Variants in KCNJ3 observed in about 807,000 individuals in gnomAD.
KCNJ3 encodes the protein G protein-activated inward rectifier potassium channel 1.
A neutral mutation model predicts 39.2 loss-of-function variants in KCNJ3; 4 were observed. The ratio of observed to expected loss-of-function variants is 0.10; its 90% CI spans 0.05 to 0.23. The LOEUF (loss-of-function observed/expected upper bound fraction) is 0.23, where lower values mean the gene tolerates loss of function less well. Ranked by LOEUF, KCNJ3 falls within the 10% of genes least tolerant of loss-of-function variation. The pLI is 1.00. For missense variants in KCNJ3, 276 were observed against 634.9 expected (o/e 0.43, Z 6.08); for synonymous variants, 230 against 237.4 (o/e 0.97, Z 0.29).
chr2:154,745,641 A>AT, intron 2 of KCNJ3, among the ~76,000 whole-genome samples: 1 of 152,000 alleles, frequency 6.6e-6, no homozygotes, highest in Non-Finnish European at 1.5e-5. Context: ...CTGCTTTAAA[A>AT]TTTTTTTCCA....
intron 2 of KCNJ3, among the ~76,000 whole-genome samples, chr2:154,813,036 A>G (rs1375490576): frequency 2.0e-5 from 3 of 152,232 alleles, no homozygotes; most frequent in African/African-American, 7.2e-5. Context: ...TTTCAAATGC[A>G]GAAACTGATG....
chr2:154,831,017 C>G (rs1687353550), intron 2 of KCNJ3, among the ~76,000 whole-genome samples: 1 of 152,198 alleles, frequency 6.6e-6, no homozygotes, highest in South Asian at 2.1e-4. Flanking sequence ...AATTTCCCTT[C>G]TAAATATCTT....
intron 2 of KCNJ3, among the ~76,000 whole-genome samples, chr2:154,747,904 T>C (rs1309457933): frequency 6.6e-6 from 1 of 151,898 alleles, no homozygotes; most frequent in Non-Finnish European, 1.5e-5. Flanking sequence ...CAATTTTTGG[T>C]CAACTGCATG....
At chr2:154,766,481 A>G (rs1260388096) in intron 2 of KCNJ3, among the ~76,000 whole-genome samples, 1 of 152,028 alleles carries the variant, frequency 6.6e-6, no homozygotes, top group Non-Finnish European at 1.5e-5. Context: ...TTTCCAGGTT[A>G]CCCAAAGTGG....
intron 2 of KCNJ3, among the ~76,000 whole-genome samples, chr2:154,813,493 AT>A (rs925096038): frequency 4.0e-5 from 6 of 151,008 alleles, no homozygotes; most frequent in East Asian, 1.9e-4. Context: ...CCAAAGTTTA[AT>A]TTTTTTTTCT....
In KCNJ3 at chr2:154,855,616, G is replaced by GGA. The variant is rs1687822913; in HGVS notation, c.*303_*304insGA. 1 of 149,036 alleles carries GGA rather than the reference G, an allele frequency of 6.7e-6. No homozygotes were observed. The highest frequency in any genetic ancestry group is 6.8e-5 in the Admixed American group (1 of 14,764). 9.2% of individuals were successfully genotyped at this position (149,036 alleles called of 1,614,324 possible). A position where few individuals can be genotyped will look rare whatever the true frequency, so the allele number is the denominator to read the frequency against. ...TGGCATATTTATATTGTATATTCTG[G>GGA]AAAAAAAATATATATATATATTTAA... On this transcript the variant is annotated 3_prime_UTR_variant, in exon 3 of 3. Transcript: ENST00000295101.
At chr2:154,822,530 T>C (rs1687202215) in intron 2 of KCNJ3, among the ~76,000 whole-genome samples, 1 of 152,198 alleles carries the variant, frequency 6.6e-6, no homozygotes, top group Non-Finnish European at 1.5e-5. Context: ...CATTCCTTCA[T>C]TGACATGATG....
In KCNJ3 at chr2:154,855,520, G is replaced by A; in HGVS notation, c.*207G>A. 2.0e-6 allele frequency: 1 copy of A among 495,732 alleles called. No individual in the cohort carries two copies. Among genetic ancestry groups the A allele is most frequent in the Non-Finnish European group, 3.6e-6 (1 of 279,998 alleles). 30.7% of individuals were successfully genotyped at this position (495,732 alleles called of 1,614,324 possible). On this transcript the variant is annotated 3_prime_UTR_variant, in exon 3 of 3. Transcript: ENST00000295101. ...GACATCATAAGGAAGTTATTAACGG[G>A]CATGTATTATCACATCAAGCATGCA...
rs70983747 is a variant in KCNJ3, at chr2:154,857,886, CAAA to C, written c.*2612_*2614del. On this transcript the variant is annotated 3_prime_UTR_variant, in exon 3 of 3. Transcript: ENST00000295101. ...ACAGTGCGAGACTCCATCTCAACAT[CAAA>C]AAAAAAAAAAAAAAAAAAAAAAAAA... 1 of 41,970 alleles carries C rather than the reference CAAA, an allele frequency of 2.4e-5. No homozygotes were observed. The highest frequency in any genetic ancestry group is 7.5e-4 in the South Asian group (1 of 1,330). 2.6% of individuals were successfully genotyped at this position (41,970 alleles called of 1,614,324 possible). A position where few individuals can be genotyped will look rare whatever the true frequency, so the allele number is the denominator to read the frequency against.
At chr2:154,808,099 G>A (rs1232837354) in intron 2 of KCNJ3, among the ~76,000 whole-genome samples, 1 of 124,008 alleles carries the variant, frequency 8.1e-6, no homozygotes, top group East Asian at 2.3e-4. Flanking sequence ...TTTTTTTTTT[G>A]AGACATAGTC....
intron 2 of KCNJ3, among the ~76,000 whole-genome samples, chr2:154,787,651 G>A (rs144940335): frequency 1.4e-4 from 21 of 152,122 alleles, no homozygotes; most frequent in Admixed American, 8.5e-4. Context: ...GCCATATCTC[G>A]GTGGAGTTAG....
chr2:154,813,428 T>C (rs2105103428), intron 2 of KCNJ3, among the ~76,000 whole-genome samples: 1 of 152,300 alleles, frequency 6.6e-6, no homozygotes, highest in Admixed American at 6.5e-5. Context: ...AAGTGGCCTT[T>C]CCATCCTCTG....
At chr2:154,783,835 G>C (rs13398937) in intron 2 of KCNJ3, among the ~76,000 whole-genome samples, 63,188 of 151,992 alleles carry the variant, frequency 0.42, 13,856 homozygotes, top group African/African-American at 0.52. Context: ...AAAATTTGCT[G>C]AGTTTAAATT....
At chr2:154,763,755 T>G (rs1686084944) in intron 2 of KCNJ3, among the ~76,000 whole-genome samples, 1 of 152,210 alleles carries the variant, frequency 6.6e-6, no homozygotes, top group African/African-American at 2.4e-5. Context: ...GCTTCTAGCT[T>G]CTAGCTGCTA....
chr2:154,755,149 A>G (rs1460050696), intron 2 of KCNJ3, among the ~76,000 whole-genome samples: 2 of 152,082 alleles, frequency 1.3e-5, no homozygotes, highest in African/African-American at 4.8e-5. Flanking sequence ...CAGCATTGCT[A>G]GAGAGTTTTC....
chr2:154,791,807 T>G (rs974712239), intron 2 of KCNJ3, among the ~76,000 whole-genome samples: 2 of 152,096 alleles, frequency 1.3e-5, no homozygotes, highest in Admixed American at 6.6e-5. Flanking sequence ...AGCAGAATGC[T>G]CAATAGAATG....
intron 2 of KCNJ3, among the ~76,000 whole-genome samples, chr2:154,727,523 C>T (rs777937212): frequency 3.7e-5 from 5 of 135,102 alleles, no homozygotes; most frequent in Non-Finnish European, 7.6e-5. Flanking sequence ...ACCCAGGGGG[C>T]GGAGGTTGCT....
intron 2 of KCNJ3, among the ~76,000 whole-genome samples, chr2:154,768,102 G>T (rs1686167962): frequency 6.6e-6 from 1 of 152,130 alleles, no homozygotes; most frequent in Non-Finnish European, 1.5e-5. Context: ...TGTCAGGTGG[G>T]TAGATTGCAA....
intron 2 of KCNJ3, among the ~76,000 whole-genome samples, chr2:154,719,178 G>T (rs917092889): frequency 6.6e-6 from 1 of 152,052 alleles, no homozygotes; most frequent in African/African-American, 2.4e-5. Context: ...CAGGAAATGT[G>T]CATTTTTAAA....
Sources: gnomAD v4.1 joint callset for allele counts (sites outside exome capture counted in the v4.1 genomes callset) on GRCh38, gnomAD v4.1.1 for gene constraint, MANE v1.5 for transcripts, NCBI Gene and HGNC (gene_info 2026-07-23, HGNC 2026-07-21) for gene names.